Variants in CACNA1D observed in about 807,000 individuals in gnomAD.
CACNA1D encodes voltage-dependent L-type calcium channel subunit alpha-1D.
A neutral mutation model predicts 257.1 loss-of-function variants in CACNA1D; 55 were observed. That is an observed-to-expected ratio of 0.21 (90% CI 0.17 to 0.27). CACNA1D has a LOEUF of 0.27. CACNA1D is among the 10% of genes least tolerant of loss of function. CACNA1D has a pLI of 1.00. For synonymous variants in CACNA1D, 980 were observed against 1,014.9 expected (o/e 0.97, Z 0.65); for missense variants, 1,876 against 2,784.0 (o/e 0.67, Z 7.34).
chr3:53,737,007 A>G (rs1167013451), intron 20 of CACNA1D, among the ~76,000 whole-genome samples: 1 of 151,364 alleles, frequency 6.6e-6, no homozygotes, highest in Non-Finnish European at 1.5e-5. Flanking sequence ...CAGATAGAAA[A>G]TGTTTGGGGG....
rs35484438 is a variant in CACNA1D at position 53,780,389 on chromosome 3, G to A, written c.4690+261G>A. 0.29 allele frequency among the ~76,000 whole-genome samples: 43,869 copies of A among 152,166 alleles called. 6,442 individuals carry two copies. The highest frequency in any genetic ancestry group is 0.33 in the African/African-American group (13,738 of 41,512). ...CATACTACTGCTTACTACATAGCAAGGGAAACAGGCAGGGTATCGGAGCAG... is the reference window on the plus strand; with the variant it reads ...CATACTACTGCTTACTACATAGCAAAGGAAACAGGCAGGGTATCGGAGCAG... On this transcript the variant is annotated intron_variant, in intron 38 of 47. Coordinates refer to ENST00000350061, the MANE Select transcript of CACNA1D (RefSeq NM_001128840.3).
rs71074934 is a variant in CACNA1D, at chr3:53,810,758, C to CAAAAAAAAAAAAAAAAA, written c.6193-343_6193-327dup. ...GGGCCACAGAGCGAGACTCTTGTCT[C>CAAAAAAAAAAAAAAAAA]AAAAAAAAAAAAAAAAAAAAAAAAA... On this transcript the variant is annotated intron_variant, in intron 47 of 47. Transcript: ENST00000350061. Among the ~76,000 whole-genome samples the CAAAAAAAAAAAAAAAAA allele has an allele frequency of 1.1e-3, 76 of 68,288 alleles. 2 individuals carry two copies. The highest frequency in any genetic ancestry group is 5.9e-3 in the East Asian group (14 of 2,368). The allele number at this position is 68,288 out of a possible 152,430, so 44.8% of individuals were successfully genotyped here.
intron 32 of CACNA1D, among the ~76,000 whole-genome samples, chr3:53,771,415 G>T (rs561072816): frequency 6.6e-6 from 1 of 152,320 alleles, no homozygotes; most frequent in South Asian, 2.1e-4. Flanking sequence ...CACCCCTGGG[G>T]TAACCAGTGT....
chr3:53,495,371 A>G lies in CACNA1D; in HGVS notation c.67+138A>G. 1.0e-6 allele frequency: 1 copy of G among 968,520 alleles called. No homozygotes were observed. The highest frequency in any genetic ancestry group is 1.8e-5 in the Admixed American group (1 of 54,228). The allele number at this position is 968,520 out of a possible 1,614,324, so 60.0% of individuals were successfully genotyped here. A position where few individuals can be genotyped will look rare whatever the true frequency, so the allele number is the denominator to read the frequency against. On this transcript the variant is annotated intron_variant, in intron 1 of 47. Transcript: ENST00000350061. The surrounding 1 kb of genome is among the most constrained non-coding windows in gnomAD (Gnocchi z 5.1). ...TGCCAGCTCGGTGTCGTCTACACAG[A>G]GAGGGGACATGCGTGACAGCCACTC...
chr3:53,618,018 G>A (rs981887711), intron 3 of CACNA1D, among the ~76,000 whole-genome samples: 12 of 152,212 alleles, frequency 7.9e-5, no homozygotes. Flanking sequence ...CCGAGCCACA[G>A]CTCTGGCTGG....
At chr3:53,552,781 C>T (rs904527695) in intron 3 of CACNA1D, among the ~76,000 whole-genome samples, 1 of 152,176 alleles carries the variant, frequency 6.6e-6, no homozygotes, top group Non-Finnish European at 1.5e-5. Flanking sequence ...TACCACTTTA[C>T]CCTCCAGTCT....
chr3:53,566,779 G>T (rs958441095), intron 3 of CACNA1D, among the ~76,000 whole-genome samples: 1 of 152,136 alleles, frequency 6.6e-6, no homozygotes, highest in Non-Finnish European at 1.5e-5. Flanking sequence ...TTGCCTCTCT[G>T]TCGGAAACTT....
chr3:53,803,719 G>A, intron 44 of CACNA1D, 147 bp downstream of exon 44: 1 of 772,744 alleles, frequency 1.3e-6, no homozygotes, highest in Non-Finnish European at 2.3e-6. Flanking sequence ...GAGGGAGAGT[G>A]GAGCTGGAGA....
chr3:53,547,104 GT>G (rs1194007065), intron 3 of CACNA1D, among the ~76,000 whole-genome samples: 3 of 152,204 alleles, frequency 2.0e-5, no homozygotes, highest in Non-Finnish European at 4.4e-5. Flanking sequence ...TGAGTGACGT[GT>G]CCAGGATTAT....
chr3:53,686,621 A>G (rs1372375076), intron 8 of CACNA1D, among the ~76,000 whole-genome samples: 1 of 152,094 alleles, frequency 6.6e-6, no homozygotes, highest in Non-Finnish European at 1.5e-5. Context: ...ACAATATTCT[A>G]TAATGATTTC....
chr3:53,579,789 G>T (rs1327264552), intron 3 of CACNA1D, among the ~76,000 whole-genome samples: 1 of 152,166 alleles, frequency 6.6e-6, no homozygotes, highest in Non-Finnish European at 1.5e-5. Flanking sequence ...CTCCTACTGT[G>T]CACTGTTTCC....
chr3:53,710,449 G>C (rs1433608017), intron 9 of CACNA1D: 1 of 456,770 alleles, frequency 2.2e-6, no homozygotes, highest in South Asian at 1.5e-5. Context: ...AAGTTTTGCT[G>C]CTTTCGGCAA....
At position 53,702,662 on chromosome 3, in the gene CACNA1D, G is replaced by A; in HGVS notation, c.1242G>A (p.Glu414=). 2 of 1,614,118 alleles carry A rather than the reference G, an allele frequency of 1.2e-6. No homozygotes were observed. Among genetic ancestry groups the A allele is most frequent in the African/African-American group, 2.7e-5 (2 of 75,048 alleles). The change falls in exon 9 of 48, where the codon GAG becomes GAA. Residue 414 remains glutamate, a synonymous_variant. Coordinates refer to ENST00000350061, the MANE Select transcript of CACNA1D (RefSeq NM_001128840.3). ...TCAGAGAATTCTCAAAGGAAAGAGAGAAGGCAAAAGCACGGGGAGATTTCC... is the reference window on the plus strand; with the variant it reads ...TCAGAGAATTCTCAAAGGAAAGAGAAAAGGCAAAAGCACGGGGAGATTTCC... ...VLSGEFSKER[E]KAKARGDFQK... is the part of the protein sequence containing the mutation.
At chr3:53,663,804 T>C (rs2094231070) in intron 5 of CACNA1D, among the ~76,000 whole-genome samples, 1 of 152,090 alleles carries the variant, frequency 6.6e-6, no homozygotes, top group African/African-American at 2.4e-5. Context: ...TCTCTTTTTT[T>C]TGGAGACGAA....
intron 8 of CACNA1D, among the ~76,000 whole-genome samples, chr3:53,677,192 C>T (rs985592773): frequency 7.2e-5 from 11 of 152,168 alleles, no homozygotes; most frequent in African/African-American, 2.4e-4. Context: ...CAGGGCCCAC[C>T]TGCCACCAGC....
In CACNA1D at chr3:53,494,707, G is replaced by A. The variant is rs1238485272; in HGVS notation, c.-460G>A. On this transcript the variant is annotated 5_prime_UTR_variant, in exon 1 of 48. Transcript: ENST00000350061. ...GAGCTCCGGCTGCCCGCGGTCCCGA[G>A]CCAGCGGCGGCGCGGGCGGCGGCGG... The A allele has an allele frequency of 1.4e-5, 2 of 146,092 alleles. No individual in the cohort carries two copies. Among genetic ancestry groups the A allele is most frequent in the Non-Finnish European group, 3.1e-5 (2 of 65,492 alleles). 9.0% of individuals were successfully genotyped at this position (146,092 alleles called of 1,614,324 possible).
intron 35 of CACNA1D, 80 bp downstream of exon 35, chr3:53,776,125 T>C: frequency 2.3e-6 from 3 of 1,293,796 alleles, no homozygotes; most frequent in Non-Finnish European, 3.3e-6. Flanking sequence ...GGCCTTGCCC[T>C]GTCCCATCGC....
intron 9 of CACNA1D, among the ~76,000 whole-genome samples, chr3:53,713,844 T>C (rs1039525125): frequency 4.6e-5 from 7 of 152,176 alleles, no homozygotes; most frequent in Admixed American, 2.6e-4. Context: ...GTCTGGGACA[T>C]GCAGGGCTGC....
chr3:53,557,820 A>G (rs542742793), intron 3 of CACNA1D, among the ~76,000 whole-genome samples: 1 of 152,178 alleles, frequency 6.6e-6, no homozygotes, highest in South Asian at 2.1e-4. Flanking sequence ...TTATTTCTCA[A>G]ATTTTTGTCG....
Sources: gnomAD v4.1 joint callset for allele counts (sites outside exome capture counted in the v4.1 genomes callset) on GRCh38, gnomAD v4.1.1 for gene constraint, Gnocchi (gnomAD v3.1) non-coding constraint, MANE v1.5 for transcripts, NCBI Gene and HGNC (gene_info 2026-07-23, HGNC 2026-07-21) for gene names.